Variants in SNRPD1 observed in about 807,000 individuals in gnomAD.
The protein encoded by SNRPD1 is small nuclear ribonucleoprotein Sm D1.
A neutral mutation model predicts 14.4 loss-of-function variants in SNRPD1; 1 was observed. The observed-to-expected ratio is 0.07, with a 90% CI of 0.02 to 0.33. The LOEUF (loss-of-function observed/expected upper bound fraction) is 0.33. Ranked by LOEUF, SNRPD1 falls within the 10% of genes least tolerant of loss-of-function variation. SNRPD1 has a pLI of 1.00. For missense variants in SNRPD1, 52 were observed against 146.4 expected, an observed-to-expected ratio of 0.36 and a Z score of 3.33; for synonymous variants, 42 against 50.3, an observed-to-expected ratio of 0.83 and a Z score of 0.70.
Position 21,630,804 on chromosome 18 carries a change from ATG to A in SNRPD1, c.*1668_*1669del, listed in dbSNP as rs1027427450. The A allele has an allele frequency of 1.3e-5, 2 of 148,414 alleles. No homozygotes were observed. Among genetic ancestry groups the A allele is most frequent in the Non-Finnish European group, 3.0e-5 (2 of 67,330 alleles). The allele number at this position is 148,414 out of a possible 1,614,324, so 9.2% of individuals were successfully genotyped here. A position where few individuals can be genotyped will look rare whatever the true frequency, so the allele number is the denominator to read the frequency against. ...GATATATATATGTATTTATATATAT[ATG>A]TATTTATACTAATATATAAATATAT... is the stretch of plus-strand genomic sequence containing the variant. On this transcript the variant is annotated 3_prime_UTR_variant, in exon 4 of 4. Transcript: ENST00000300413.
At chr18:21,613,864 A>AG (rs2038938649) in intron 1 of SNRPD1, among the ~76,000 whole-genome samples, 2 of 151,360 alleles carry the variant, frequency 1.3e-5, no homozygotes, top group South Asian at 4.2e-4. Context: ...CAAAAAAAAA[A>AG]AAAAAAAAAA....
At chr18:21,622,127 A>C (rs2039002405) in intron 1 of SNRPD1, among the ~76,000 whole-genome samples, 1 of 151,158 alleles carries the variant, frequency 6.6e-6, no homozygotes, top group Admixed American at 6.6e-5. Flanking sequence ...CTTTTTACCG[A>C]CTGTAATTCT....
chr18:21,616,390 T>C (rs2146256245), intron 1 of SNRPD1, among the ~76,000 whole-genome samples: 1 of 152,094 alleles, frequency 6.6e-6, no homozygotes, highest in East Asian at 1.9e-4. Flanking sequence ...GTGTCTCTCT[T>C]CTTGTAGCTC....
At chr18:21,618,528 G>A (rs2038974378) in intron 1 of SNRPD1, among the ~76,000 whole-genome samples, 1 of 151,450 alleles carries the variant, frequency 6.6e-6, no homozygotes, top group South Asian at 2.1e-4. Context: ...TTACTAACTG[G>A]GATAGTAAAT....
chr18:21,622,963 G>A (rs1458127873), intron 2 of SNRPD1, among the ~76,000 whole-genome samples, 162 bp downstream of exon 2: 2 of 133,894 alleles, frequency 1.5e-5, no homozygotes, highest in African/African-American at 2.8e-5. Flanking sequence ...GTTTTGCTCT[G>A]TCACCTGGGC....
At position 21,630,677 on chromosome 18, in the gene SNRPD1, T is replaced by A. The variant is rs1477371424; in HGVS notation, c.*1539T>A. On this transcript the variant is annotated 3_prime_UTR_variant, in exon 4 of 4. Coordinates refer to ENST00000300413, the MANE Select transcript of SNRPD1 (RefSeq NM_006938.4). ...CATGAGGCCGAGGCAGGAGAATTGC[T>A]TGAACCCAGGAGGCGGAGGTTGCAG... 1.3e-5 allele frequency: 2 copies of A among 151,586 alleles called. No homozygotes were observed. The highest frequency in any genetic ancestry group is 2.4e-5 in the African/African-American group (1 of 41,300). 9.4% of individuals were successfully genotyped at this position (151,586 alleles called of 1,614,324 possible). A position where few individuals can be genotyped will look rare whatever the true frequency, so the allele number is the denominator to read the frequency against.
chr18:21,613,536 T>G (rs377482474), intron 1 of SNRPD1, among the ~76,000 whole-genome samples: 9 of 152,144 alleles, frequency 5.9e-5, no homozygotes, highest in African/African-American at 1.9e-4. Context: ...TTTGAAACGT[T>G]TTAAATAACA....
intron 1 of SNRPD1, among the ~76,000 whole-genome samples, chr18:21,621,060 C>T (rs553718467): frequency 1.1e-4 from 16 of 151,688 alleles, no homozygotes; most frequent in East Asian, 3.9e-4. Context: ...CCCAGCTACT[C>T]GGGAGGCTGA....
intron 3 of SNRPD1, 65 bp downstream of exon 3, chr18:21,624,004 A>C: frequency 2.2e-6 from 2 of 922,288 alleles, no homozygotes; most frequent in Non-Finnish European, 3.4e-6. Flanking sequence ...TTCATAATAT[A>C]GATATTATTT....
intron 1 of SNRPD1, among the ~76,000 whole-genome samples, chr18:21,618,934 A>T (rs180764780): frequency 6.6e-6 from 1 of 152,338 alleles, no homozygotes; most frequent in Non-Finnish European, 1.5e-5. Flanking sequence ...ACCCTCAAGA[A>T]TAGTCTAGTG....
intron 3 of SNRPD1, among the ~76,000 whole-genome samples, 164 bp downstream of exon 3, chr18:21,624,103 G>A (rs1339342555): frequency 2.6e-5 from 4 of 152,220 alleles, no homozygotes; most frequent in East Asian, 1.9e-4. Context: ...TTGAGCAACC[G>A]GACGCAGTGG....
At chr18:21,614,553 G>A (rs558958720) in intron 1 of SNRPD1, among the ~76,000 whole-genome samples, 2 of 152,190 alleles carry the variant, frequency 1.3e-5, no homozygotes, top group African/African-American at 4.8e-5. Flanking sequence ...ATTTATTTCT[G>A]TATCTCAGTT....
At chr18:21,626,779 T>G (rs2039042549) in intron 3 of SNRPD1, among the ~76,000 whole-genome samples, 2 of 146,208 alleles carry the variant, frequency 1.4e-5, no homozygotes, top group South Asian at 4.6e-4. Context: ...GAGAGAGACT[T>G]GGTCTCAAAA....
chr18:21,612,328 C>A lies in SNRPD1; in HGVS notation c.-102C>A. On this transcript the variant is annotated 5_prime_UTR_variant, in exon 1 of 4. Transcript: ENST00000300413. Reference sequence around the variant, plus strand: ...CTCCGCGCGCTCTTGACGTCCGGAGCCCCTGGAGTAGGCGCTTCCGGCCAT... The same window carrying A: ...CTCCGCGCGCTCTTGACGTCCGGAGACCCTGGAGTAGGCGCTTCCGGCCAT... The A allele has an allele frequency of 2.4e-6, 2 of 825,410 alleles. No individual in the cohort carries two copies. The highest frequency in any genetic ancestry group is 2.3e-5 in the South Asian group (1 of 42,610). The allele number at this position is 825,410 out of a possible 1,614,324, so 51.1% of individuals were successfully genotyped here.
chr18:21,626,479 T>C (rs1347341854), intron 3 of SNRPD1, among the ~76,000 whole-genome samples: 3 of 150,464 alleles, frequency 2.0e-5, no homozygotes, highest in African/African-American at 7.3e-5. Flanking sequence ...TAGTCTAGTG[T>C]TAGGGAGTTA....
At position 21,629,361 on chromosome 18, in the gene SNRPD1, AC is replaced by A; in HGVS notation, c.*224del. The A allele has an allele frequency of 2.2e-6, 1 of 448,386 alleles. No individual in the cohort carries two copies. 27.8% of individuals were successfully genotyped at this position (448,386 alleles called of 1,614,324 possible). Reference sequence around the variant, plus strand: ...AGTTGATCAGGTTTTAAGTTTTTGAACTAAAATTTTTCTTTTTCTTTTTATG... The same window carrying A: ...AGTTGATCAGGTTTTAAGTTTTTGAATAAAATTTTTCTTTTTCTTTTTATG... On this transcript the variant is annotated 3_prime_UTR_variant, in exon 4 of 4. Coordinates refer to ENST00000300413, the MANE Select transcript of SNRPD1 (RefSeq NM_006938.4).
In SNRPD1 at chr18:21,632,173, C is replaced by G. The variant is rs928482270; in HGVS notation, c.*3035C>G. ...ACTTAGCATAAGAGATCTAAAATTACGTTTTGTCCTGGCATGGTGGCTCAT... is the reference window on the plus strand; with the variant it reads ...ACTTAGCATAAGAGATCTAAAATTAGGTTTTGTCCTGGCATGGTGGCTCAT... On this transcript the variant is annotated 3_prime_UTR_variant, in exon 4 of 4. Coordinates refer to ENST00000300413, the MANE Select transcript of SNRPD1 (RefSeq NM_006938.4). 1.3e-5 allele frequency: 2 copies of G among 151,968 alleles called. No homozygotes were observed. Among genetic ancestry groups the G allele is most frequent in the African/African-American group, 4.8e-5 (2 of 41,400 alleles). The allele number at this position is 151,968 out of a possible 1,614,324, so 9.4% of individuals were successfully genotyped here. A position where few individuals can be genotyped will look rare whatever the true frequency, so the allele number is the denominator to read the frequency against.
intron 3 of SNRPD1, among the ~76,000 whole-genome samples, chr18:21,627,200 C>T (rs570932723): frequency 6.3e-4 from 96 of 152,140 alleles, no homozygotes; most frequent in Middle Eastern, 3.4e-3. Flanking sequence ...ACCCGAGAGG[C>T]GGAGATTGCA....
intron 1 of SNRPD1, among the ~76,000 whole-genome samples, chr18:21,614,045 G>C (rs2038940182): frequency 6.6e-6 from 1 of 151,996 alleles, no homozygotes. Context: ...GGCTGAGGCA[G>C]GCGGATCGCC....
Sources: gnomAD v4.1 joint callset for allele counts (sites outside exome capture counted in the v4.1 genomes callset) on GRCh38, gnomAD v4.1.1 for gene constraint, MANE v1.5 for transcripts, NCBI Gene and HGNC (gene_info 2026-07-23, HGNC 2026-07-21) for gene names.